Variants in NEB observed in about 807,000 individuals in gnomAD.
The protein encoded by NEB is nebulin, also known as nemaline myopathy type 2.
In NEB, 512 loss-of-function variants were observed where a neutral mutation model predicts 952.2. The observed-to-expected ratio is 0.54, with a 90% CI of 0.50 to 0.58. NEB has a LOEUF of 0.58. Ranked by LOEUF, NEB falls within the 20% of genes least tolerant of loss-of-function variation. The pLI is 0.00. For missense variants in NEB, 8,428 were observed against 9,231.1 expected, an observed-to-expected ratio of 0.91 and a Z score of 3.56; for synonymous variants, 2,900 against 3,149.8, an observed-to-expected ratio of 0.92 and a Z score of 2.66.
At chr2:151,633,242 A>G (rs2098703643) in intron 65 of NEB, among the ~76,000 whole-genome samples, 2 of 152,318 alleles carry the variant, frequency 1.3e-5, no homozygotes, top group Middle Eastern at 3.4e-3. Flanking sequence ...AGACACAGAG[A>G]CTTCTTTTAT....
At chr2:151,610,400 G>C (rs983232156) in intron 80 of NEB, 116 bp downstream of exon 80, 1 of 798,544 alleles carries the variant, frequency 1.3e-6, no homozygotes, top group Admixed American at 2.4e-5. Context: ...TTGAGAGGTA[G>C]GAAGTAGGAC....
chr2:151,554,223 G>C (rs2095498494), intron 125 of NEB, among the ~76,000 whole-genome samples, 198 bp from the exon 126 acceptor site: 1 of 152,134 alleles, frequency 6.6e-6, no homozygotes, highest in South Asian at 2.1e-4. Context: ...ATAATATGTA[G>C]CTTCTTTACA....
In NEB at chr2:151,518,435, C is replaced by T. The variant is rs771767711; in HGVS notation, c.22696-13G>A. 7.1e-6 allele frequency: 11 copies of T among 1,541,862 alleles called. No homozygotes were observed. The highest frequency in any genetic ancestry group is 1.8e-4 in the Middle Eastern group (1 of 5,652). ...TCTTGTACTGGTACTGAGGGGAAGG[C>T]GGCAAAAAAGGCACATTGATGGAGA... On this transcript the variant is annotated splice_polypyrimidine_tract_variant and intron_variant, in intron 155 of 181. Transcript: ENST00000397345.
chr2:151,577,870 C>T (rs748144877), intron 105 of NEB, among the ~76,000 whole-genome samples: 22 of 152,260 alleles, frequency 1.4e-4, no homozygotes, highest in South Asian at 2.1e-4. Context: ...TGAGCCACAG[C>T]GCCCAGCCTA....
Position 151,552,716 on chromosome 2 carries a change from G to C in NEB, c.19792C>G (p.Pro6598Ala), listed in dbSNP as rs754340833. The C allele has an allele frequency of 6.2e-7, 1 of 1,613,388 alleles. No homozygotes were observed. ...RNDYKLVTDT[P>A]VYVQAVKSGK... ...CTTTTGACAGCCTGCACGTAGACTG[G>C]TGTATCTGTGACAAGCTTGTAGTCA... Residue 6598 changes from proline (P) to alanine (A), a missense_variant, in exon 128 of 182, where the codon CCA becomes GCA. This residue lies in a region of NEB where 3,374 missense variants were observed against 3,651.5 expected (regional missense o/e 0.92). Transcript: ENST00000397345.
At position 151,516,661 on chromosome 2, in the gene NEB, G is replaced by A. The variant is rs572690722; in HGVS notation, c.22801-98C>T. 9 of 804,004 alleles carry A rather than the reference G, an allele frequency of 1.1e-5. No homozygotes were observed. In the African/African-American group the frequency reaches 1.5e-4, roughly 14 times the overall value. 49.8% of individuals were successfully genotyped at this position (804,004 alleles called of 1,614,324 possible). A position where few individuals can be genotyped will look rare whatever the true frequency, so the allele number is the denominator to read the frequency against. On this transcript the variant is annotated intron_variant, in intron 156 of 181. Coordinates refer to ENST00000397345, the MANE Select transcript of NEB (RefSeq NM_001164508.2). ...TTTAATTGATATGTTCTGTCAATTG[G>A]ATGGCATCTCATTGCCACTCAAAAC...
At chr2:151,696,180 T>C (rs1349328633) in intron 17 of NEB, among the ~76,000 whole-genome samples, 1 of 152,228 alleles carries the variant, frequency 6.6e-6, no homozygotes, top group Non-Finnish European at 1.5e-5. Flanking sequence ...GTCTCAGAGA[T>C]TCCAATTTCC....
rs1406593129 is a variant in NEB at position 151,548,448 on chromosome 2, TG to T, written c.20050-34del. ...AGCAAAGTCAGAATGAGATCAATGA[TG>T]GGTAAACAAGGACCAACATTACATT... On this transcript the variant is annotated intron_variant, in intron 130 of 181. Coordinates refer to ENST00000397345, the MANE Select transcript of NEB (RefSeq NM_001164508.2). 4 of 1,367,712 alleles carry T rather than the reference TG, an allele frequency of 2.9e-6. No homozygotes were observed. The African/African-American group carries it at 5.7e-5, about 20-fold the overall frequency. 84.7% of individuals were successfully genotyped at this position (1,367,712 alleles called of 1,614,324 possible).
intron 55 of NEB, 146 bp downstream of exon 55, chr2:151,645,983 TA>T: frequency 1.6e-6 from 1 of 634,438 alleles, no homozygotes; most frequent in Non-Finnish European, 2.7e-6. Context: ...ATATTCAATC[TA>T]AAAGCCACTA....
At chr2:151,499,825 C>G (rs929909739) in intron 168 of NEB, among the ~76,000 whole-genome samples, 1 of 152,128 alleles carries the variant, frequency 6.6e-6, no homozygotes, top group African/African-American at 2.4e-5. Flanking sequence ...TCATTAAGTT[C>G]AAGTTGTTGT....
chr2:151,710,811 C>G (rs1000313934), intron 10 of NEB, among the ~76,000 whole-genome samples: 2 of 152,084 alleles, frequency 1.3e-5, no homozygotes, highest in African/African-American at 4.8e-5. Flanking sequence ...TTGCAGATGT[C>G]CCCTGATGTT....
chr2:151,509,899 C>T (rs116013237), intron 161 of NEB, among the ~76,000 whole-genome samples: 18 of 152,294 alleles, frequency 1.2e-4, no homozygotes, highest in African/African-American at 4.1e-4. Context: ...CGAGCCACTG[C>T]GCCCGACCAA....
At chr2:151,626,956 A>AATGAC in intron 70 of NEB, 46 bp downstream of exon 70, 1 of 1,591,866 alleles carries the variant, frequency 6.3e-7, no homozygotes, top group Non-Finnish European at 8.6e-7. Flanking sequence ...AGGTATCTTG[A>AATGAC]ATGACATATA....
At position 151,687,712 on chromosome 2, in the gene NEB, C is replaced by T. The variant is rs752442261; in HGVS notation, c.2437G>A (p.Glu813Lys). The change falls in exon 26 of 182, where the codon GAG (glutamate) becomes AAG (lysine). Residue 813 changes from glutamate to lysine, a missense_variant. By Grantham distance (56) the Glu-to-Lys change is moderately conservative. Coordinates refer to ENST00000397345, the MANE Select transcript of NEB (RefSeq NM_001164508.2). ...TCAAACTTCTTGGCTTTGCTCTTCTCCCAGTCTTGCTTATAAACATTCTGG... is the reference window on the plus strand; with the variant it reads ...TCAAACTTCTTGGCTTTGCTCTTCTTCCAGTCTTGCTTATAAACATTCTGG... Reference protein sequence around the residue: ...LSDNVYKQDWEKSKAKKFDIK... With the variant: ...LSDNVYKQDWKKSKAKKFDIK... 38 of 1,590,664 alleles carry T rather than the reference C, an allele frequency of 2.4e-5. No individual in the cohort carries two copies. The highest frequency in any genetic ancestry group is 3.2e-5 in the Non-Finnish European group (37 of 1,167,516).
intron 13 of NEB, among the ~76,000 whole-genome samples, chr2:151,698,998 T>C (rs1450370083): frequency 2.2e-5 from 3 of 136,038 alleles, no homozygotes; most frequent in Non-Finnish European, 4.8e-5. Flanking sequence ...TAGGTATATC[T>C]CCCAATGCTA....
chr2:151,523,022 C>G (rs1049181509), intron 153 of NEB, among the ~76,000 whole-genome samples: 1 of 152,142 alleles, frequency 6.6e-6, no homozygotes, highest in Non-Finnish European at 1.5e-5. Context: ...AAATAGGAGC[C>G]TCTTGATTTT....
At position 151,525,885 on chromosome 2, in the gene NEB, C is replaced by CT. The variant is rs1422137382; in HGVS notation, c.22161+72dup. ...GCTACATAAAGGAAGCAAAAGGCAA[C>CT]TGACATTATTTCACCAGATTCTACA... is the stretch of plus-strand genomic sequence containing the variant. On this transcript the variant is annotated intron_variant, in intron 150 of 181. Transcript: ENST00000397345. The CT allele has an allele frequency of 6.5e-5, 77 of 1,181,030 alleles. 1 individual carries two copies. The highest frequency in any genetic ancestry group is 4.6e-4 in the Middle Eastern group (2 of 4,328). 73.2% of individuals were successfully genotyped at this position (1,181,030 alleles called of 1,614,324 possible).
intron 110 of NEB, 122 bp downstream of exon 110, chr2:151,569,146 A>G: frequency 1.3e-6 from 1 of 774,712 alleles, no homozygotes; most frequent in South Asian, 1.7e-5. Context: ...ATATATGCTC[A>G]GTTTAAATCA....
chr2:151,643,301 C>G lies in NEB; in HGVS notation c.8009G>C (p.Ser2670Thr). 1.2e-6 allele frequency: 2 copies of G among 1,613,882 alleles called. No individual in the cohort carries two copies. Among genetic ancestry groups the G allele is most frequent in the Non-Finnish European group, 1.7e-6 (2 of 1,179,848 alleles). Residue 2670 changes from serine to threonine, a missense_variant, in exon 58 of 182, where the codon AGT becomes ACT. Physicochemically the swap from Ser to Thr is moderately conservative, Grantham distance 58. Coordinates refer to ENST00000397345, the MANE Select transcript of NEB (RefSeq NM_001164508.2). ...QWLKGIGWMT[S>T]GSLEDEKNKR... ...ATTTTTCTCATCCTCGAGAGAACCA[C>G]TAGTCATCCAGCCAATGCCTTTTAG... is the stretch of plus-strand genomic sequence containing the variant.
Sources: gnomAD v4.1 joint callset for allele counts (sites outside exome capture counted in the v4.1 genomes callset) on GRCh38, gnomAD v4.1.1 for gene constraint, gnomAD v4.1.1 regional missense constraint, MANE v1.5 for transcripts, NCBI Gene and HGNC (gene_info 2026-07-23, HGNC 2026-07-21) for gene names.